Variants in STK39 observed in about 807,000 individuals in gnomAD.
STK39 encodes serine/threonine kinase 39.
A neutral mutation model predicts 77.8 loss-of-function variants in STK39; 20 were observed. The observed-to-expected ratio is 0.26, with a 90% CI of 0.18 to 0.37. The LOEUF (loss-of-function observed/expected upper bound fraction) is 0.37, where lower values mean the gene tolerates loss of function less well. STK39 is among the 10% of genes least tolerant of loss of function. The pLI is 1.00. For missense variants in STK39, 479 were observed against 656.5 expected, an observed-to-expected ratio of 0.73 and a Z score of 2.95; for synonymous variants, 246 against 234.1, an observed-to-expected ratio of 1.05 and a Z score of -0.47.
intron 5 of STK39, among the ~76,000 whole-genome samples, chr2:168,159,439 T>C (rs1159159833): frequency 6.6e-6 from 1 of 152,214 alleles, no homozygotes; most frequent in Non-Finnish European, 1.5e-5. Flanking sequence ...TCCTCATTTT[T>C]GTTCAGGCAG....
rs146465129 is a variant in STK39 at position 168,093,396 on chromosome 2, G to T, written c.1090-18165C>A. 2.8e-3 allele frequency among the ~76,000 whole-genome samples: 429 copies of T among 152,264 alleles called. 2 individuals carry two copies. Among genetic ancestry groups the T allele is most frequent in the African/African-American group, 9.7e-3 (403 of 41,538 alleles). On this transcript the variant is annotated intron_variant, in intron 10 of 17. Coordinates refer to ENST00000355999, the MANE Select transcript of STK39 (RefSeq NM_013233.3). ...GAGGAGCTAAAGCAACATCTTACAT[G>T]GCAGCAGGCACATGAGCATGTGCAA...
intron 7 of STK39, 122 bp from the exon 8 acceptor site, chr2:168,138,343 T>C (rs927836484): frequency 2.3e-6 from 3 of 1,318,366 alleles, no homozygotes; most frequent in African/African-American, 3.0e-5. Context: ...TTTCCCATGA[T>C]TTTAACTTTG....
intron 16 of STK39, among the ~76,000 whole-genome samples, chr2:167,968,555 C>A (rs531263512): frequency 4.3e-4 from 65 of 152,270 alleles, no homozygotes; most frequent in Non-Finnish European, 7.8e-4. Context: ...GAAAAGAGAA[C>A]CAGTGAACAC....
At chr2:168,161,109 G>C (rs550582049) in intron 5 of STK39, among the ~76,000 whole-genome samples, 5 of 152,300 alleles carry the variant, frequency 3.3e-5, no homozygotes, top group African/African-American at 1.2e-4. Context: ...ACTCCCCCAA[G>C]AAACCATGAA....
chr2:168,184,914 G>A (rs1446156336), intron 1 of STK39, among the ~76,000 whole-genome samples: 1 of 152,152 alleles, frequency 6.6e-6, no homozygotes, highest in South Asian at 2.1e-4. Context: ...TGAAAGGAAA[G>A]GAGGTGACCT....
At chr2:168,009,986 A>G (rs1168287214) in intron 16 of STK39, among the ~76,000 whole-genome samples, 1 of 152,234 alleles carries the variant, frequency 6.6e-6, no homozygotes, top group African/African-American at 2.4e-5. Context: ...GGGCAAAAAA[A>G]GAAGTGCATT....
At position 167,955,310 on chromosome 2, in the gene STK39, T is replaced by A; in HGVS notation, c.*186A>T. On this transcript the variant is annotated 3_prime_UTR_variant, in exon 18 of 18. Transcript: ENST00000355999. ...CTAGAGAATAAAGCAGAACTCGGAG[T>A]GTTGTAAGTTTTAAAAAATTATTTT... is the stretch of plus-strand genomic sequence containing the variant. The A allele has an allele frequency of 5.7e-6, 3 of 525,230 alleles. No homozygotes were observed. Among genetic ancestry groups the A allele is most frequent in the Non-Finnish European group, 6.8e-6 (2 of 293,478 alleles). The allele number at this position is 525,230 out of a possible 1,614,324, so 32.5% of individuals were successfully genotyped here. A position where few individuals can be genotyped will look rare whatever the true frequency, so the allele number is the denominator to read the frequency against.
At chr2:168,221,375 T>C (rs768056142) in intron 1 of STK39, among the ~76,000 whole-genome samples, 1 of 130,570 alleles carries the variant, frequency 7.7e-6, no homozygotes, top group Non-Finnish European at 1.6e-5. Context: ...CACTTACATG[T>C]ATATTCAGTT....
chr2:168,019,240 C>T (rs1684510371), intron 14 of STK39, among the ~76,000 whole-genome samples: 1 of 152,202 alleles, frequency 6.6e-6, no homozygotes, highest in South Asian at 2.1e-4. Flanking sequence ...TCCGTGATTT[C>T]ACATTTCATG....
chr2:168,067,984 C>G (rs901030262), intron 12 of STK39, among the ~76,000 whole-genome samples: 4 of 152,136 alleles, frequency 2.6e-5, no homozygotes, highest in African/African-American at 9.7e-5. Context: ...GCAGGAGGAG[C>G]AAAGGCACAG....
At chr2:168,108,369 G>A (rs749354478) in intron 10 of STK39, among the ~76,000 whole-genome samples, 47 of 151,938 alleles carry the variant, frequency 3.1e-4, no homozygotes, top group African/African-American at 1.1e-3. Context: ...GCAACATGGC[G>A]AAACCCTGTT....
chr2:168,233,601 C>A (rs570338711), intron 1 of STK39, among the ~76,000 whole-genome samples: 2 of 151,056 alleles, frequency 1.3e-5, no homozygotes, highest in South Asian at 2.1e-4. Context: ...CCTTGACTCA[C>A]TCAAATCCCA....
At chr2:168,049,335 C>T (rs1685334480) in intron 14 of STK39, among the ~76,000 whole-genome samples, 1 of 152,198 alleles carries the variant, frequency 6.6e-6, no homozygotes, top group South Asian at 2.1e-4. Context: ...ACCAGGTTGC[C>T]TCCTGTCACC....
At chr2:168,090,934 G>A (rs1057332293) in intron 10 of STK39, among the ~76,000 whole-genome samples, 3 of 152,098 alleles carry the variant, frequency 2.0e-5, no homozygotes, top group South Asian at 2.1e-4. Context: ...GGTTCTAAAC[G>A]CCAAATAATG....
intron 5 of STK39, among the ~76,000 whole-genome samples, chr2:168,159,204 T>A (rs1446010546): frequency 6.6e-6 from 1 of 152,144 alleles, no homozygotes; most frequent in Non-Finnish European, 1.5e-5. Context: ...ACTTCTCCCC[T>A]GCTTAACTTT....
intron 5 of STK39, among the ~76,000 whole-genome samples, chr2:168,149,909 T>C (rs144610974): frequency 7.8e-4 from 119 of 152,230 alleles, no homozygotes; most frequent in African/African-American, 2.0e-3. Context: ...CCAAAGAAAA[T>C]AGCACACTTC....
intron 1 of STK39, among the ~76,000 whole-genome samples, chr2:168,208,919 AG>A (rs1689811967): frequency 6.6e-6 from 1 of 152,194 alleles, no homozygotes; most frequent in African/African-American, 2.4e-5. Context: ...GGGAAGTGCA[AG>A]AGCAAGAAAT....
At chr2:168,066,839 C>A (rs1308449607) in intron 12 of STK39, among the ~76,000 whole-genome samples, 1 of 152,178 alleles carries the variant, frequency 6.6e-6, no homozygotes, top group Non-Finnish European at 1.5e-5. Context: ...ATGGTAATTC[C>A]TCAGAAAATG....
intron 10 of STK39, among the ~76,000 whole-genome samples, chr2:168,120,226 T>C (rs1292851605): frequency 6.6e-6 from 1 of 152,220 alleles, no homozygotes; most frequent in Non-Finnish European, 1.5e-5. Flanking sequence ...TTACTGATTG[T>C]TGTATGGCTG....
Sources: allele counts gnomAD v4.1 joint callset (sites outside exome capture counted in the v4.1 genomes callset), GRCh38; gene constraint gnomAD v4.1.1; transcripts MANE v1.5; gene names NCBI Gene and HGNC (gene_info 2026-07-23, HGNC 2026-07-21).